ASIC2: variants seen among roughly 807,000 people sequenced by gnomAD.
ASIC2 encodes the protein acid-sensing ion channel 2.
ASIC2 carries 25 observed loss-of-function variants against 57.3 expected under a neutral mutation model. The ratio of observed to expected loss-of-function variants is 0.44; its 90% CI spans 0.32 to 0.61. ASIC2 has a LOEUF of 0.61. ASIC2 is among the 20% of genes least tolerant of loss of function. ASIC2 has a pLI of 0.06. For missense variants in ASIC2, 641 were observed against 738.1 expected, an observed-to-expected ratio of 0.87 and a Z score of 1.52; for synonymous variants, 319 against 307.5, an observed-to-expected ratio of 1.04 and a Z score of -0.39.
intron 2 of ASIC2, among the ~76,000 whole-genome samples, chr17:33,109,182 A>T (rs1360007552): frequency 6.6e-6 from 1 of 152,148 alleles, no homozygotes; most frequent in Non-Finnish European, 1.5e-5. Context: ...AATCTCAGAA[A>T]TCACCACTAA....
At chr17:34,004,017 T>C (rs945899718) in intron 1 of ASIC2, 52 of 152,334 alleles carry the variant, frequency 3.4e-4, no homozygotes, top group African/African-American at 1.3e-3. Flanking sequence ...AATGCTGGCA[T>C]CTATGATTTG....
intron 1 of ASIC2, among the ~76,000 whole-genome samples, chr17:33,961,815 C>G (rs1904932498): frequency 6.6e-6 from 1 of 152,186 alleles, no homozygotes; most frequent in East Asian, 1.9e-4. Context: ...CAAGGAAGCT[C>G]AGAACCCAAC....
At chr17:33,115,337 A>G (rs1325346218) in intron 1 of ASIC2, among the ~76,000 whole-genome samples, 1 of 152,102 alleles carries the variant, frequency 6.6e-6, no homozygotes, top group Non-Finnish European at 1.5e-5. Context: ...ATGACAGCTA[A>G]ATTTTTTATC....
At chr17:33,891,717 A>C (rs1445344300) in intron 1 of ASIC2, among the ~76,000 whole-genome samples, 1 of 152,242 alleles carries the variant, frequency 6.6e-6, no homozygotes, top group Non-Finnish European at 1.5e-5. Context: ...TATGATGTGC[A>C]AACACTAATC....
At chr17:33,514,770 C>G (rs1343702129) in intron 1 of ASIC2, among the ~76,000 whole-genome samples, 2 of 152,174 alleles carry the variant, frequency 1.3e-5, no homozygotes, top group Non-Finnish European at 2.9e-5. Context: ...CTTGTCTGTC[C>G]TCTACCTCAT....
chr17:34,062,648 G>C lies in ASIC2; in HGVS notation c.555+93330C>G, dbSNP rs182832069. 2.2e-4 allele frequency among the ~76,000 whole-genome samples: 34 copies of C among 152,206 alleles called. 1 individual carries two copies. In the East Asian group the frequency reaches 6.6e-3, roughly 29 times the overall value. ...CAAGATTAACCAAGAAAAGAATAGAGTAAATCCAAATAATCTCACTAAGAA... is the reference window on the plus strand; with the variant it reads ...CAAGATTAACCAAGAAAAGAATAGACTAAATCCAAATAATCTCACTAAGAA... On this transcript the variant is annotated intron_variant, in intron 1 of 9. Transcript: ENST00000359872.
intron 1 of ASIC2, 87 bp downstream of exon 1, chr17:33,291,321 A>G: frequency 6.8e-7 from 1 of 1,480,734 alleles, no homozygotes; most frequent in Non-Finnish European, 8.9e-7. Flanking sequence ...AGGCCTGGGG[A>G]CAGCCCCGAG....
intron 1 of ASIC2, among the ~76,000 whole-genome samples, chr17:33,227,594 G>A (rs72819159): frequency 0.033 from 5,093 of 152,148 alleles, 162 homozygotes; most frequent in Non-Finnish European, 0.048. Flanking sequence ...TTTCCAAAGC[G>A]AACCTGACCT....
chr17:33,100,442 A>G (rs1185499677), intron 2 of ASIC2: 1 of 152,276 alleles, frequency 6.6e-6, no homozygotes, highest in Non-Finnish European at 1.5e-5. Context: ...CTGAGACTAA[A>G]ACCAAAGGTC....
At chr17:33,738,609 C>T (rs1471837758) in intron 1 of ASIC2, among the ~76,000 whole-genome samples, 1 of 152,198 alleles carries the variant, frequency 6.6e-6, no homozygotes, top group Admixed American at 6.5e-5. Context: ...GCCTTCCCTC[C>T]TCTGTGTCAG....
chr17:33,833,380 G>A (rs1227506014), intron 1 of ASIC2, among the ~76,000 whole-genome samples: 1 of 152,158 alleles, frequency 6.6e-6, no homozygotes, highest in Non-Finnish European at 1.5e-5. Flanking sequence ...CAAAGAAGAA[G>A]AGGAAAAGGG....
chr17:33,625,198 GTCA>G (rs1368188346), intron 1 of ASIC2, among the ~76,000 whole-genome samples: 1 of 148,180 alleles, frequency 6.7e-6, no homozygotes, highest in Non-Finnish European at 1.5e-5. Flanking sequence ...TCTATTATCT[GTCA>G]TCTATCTATC....
At chr17:33,730,789 G>A (rs1238763757) in intron 1 of ASIC2, among the ~76,000 whole-genome samples, 2 of 152,192 alleles carry the variant, frequency 1.3e-5, no homozygotes, top group Non-Finnish European at 2.9e-5. Flanking sequence ...CACAAAGTAG[G>A]TGTCTATGTG....
chr17:33,194,061 CTG>C (rs1290884559), intron 1 of ASIC2, among the ~76,000 whole-genome samples: 2 of 152,180 alleles, frequency 1.3e-5, no homozygotes, highest in Admixed American at 6.5e-5. Flanking sequence ...TGCACTGTAA[CTG>C]GGCACCAGCC....
At chr17:33,235,797 G>C (rs1908272699) in intron 1 of ASIC2, among the ~76,000 whole-genome samples, 1 of 152,142 alleles carries the variant, frequency 6.6e-6, no homozygotes, top group Non-Finnish European at 1.5e-5. Context: ...TTCATTCAGT[G>C]ATGAGATTTG....
intron 1 of ASIC2, among the ~76,000 whole-genome samples, chr17:34,096,305 T>C (rs1198338100): frequency 6.6e-6 from 1 of 152,100 alleles, no homozygotes; most frequent in Non-Finnish European, 1.5e-5. Context: ...GGACATCAGG[T>C]ATAGCATGAG....
chr17:34,126,461 A>T (rs541349900), intron 1 of ASIC2, among the ~76,000 whole-genome samples: 1 of 152,274 alleles, frequency 6.6e-6, no homozygotes, highest in South Asian at 2.1e-4. Flanking sequence ...CCTTTCCTGC[A>T]TGGGGCTGTT....
At chr17:33,975,198 T>C (rs1315508193) in intron 1 of ASIC2, among the ~76,000 whole-genome samples, 1 of 152,224 alleles carries the variant, frequency 6.6e-6, no homozygotes. Context: ...TCTCCTGTTC[T>C]TCCCTGTGGA....
chr17:33,954,816 C>T (rs957569248), intron 1 of ASIC2, among the ~76,000 whole-genome samples: 1 of 152,180 alleles, frequency 6.6e-6, no homozygotes, highest in East Asian at 1.9e-4. Context: ...GAAAGTTTCC[C>T]TGACATGCAG....
Sources: allele counts gnomAD v4.1 joint callset (sites outside exome capture counted in the v4.1 genomes callset), GRCh38; gene constraint gnomAD v4.1.1; transcripts MANE v1.5; gene names NCBI Gene and HGNC (gene_info 2026-07-23, HGNC 2026-07-21).